The following PIAS1 variants were observed in gnomAD, a reference collection of about 807,000 sequenced individuals.
PIAS1 encodes E3 SUMO-protein ligase PIAS1.
Under a neutral mutation model 71.3 loss-of-function variants are expected in PIAS1, and 6 were observed. The observed-to-expected ratio is 0.08, with a 90% confidence interval of 0.05 to 0.17. The LOEUF is 0.17. Among genes scored for constraint, PIAS1 ranks in the 10% least tolerant of loss-of-function variants. The pLI, the probability that PIAS1 is intolerant of heterozygous loss-of-function variation, is 1.00. For missense variants in PIAS1, 555 were observed against 793.6 expected (o/e 0.70, Z 3.61); for synonymous variants, 303 against 292.9 (o/e 1.03, Z -0.35).
intron 1 of PIAS1, among the ~76,000 whole-genome samples, chr15:68,075,818 GCTGC>G (rs1157788915): frequency 7.3e-6 from 1 of 136,280 alleles, no homozygotes; most frequent in African/African-American, 2.7e-5. Context: ...GTTTTACTCT[GCTGC>G]GCAGGCTGGA....
At chr15:68,100,113 A>C (rs377729909) in intron 2 of PIAS1, among the ~76,000 whole-genome samples, 5 of 145,894 alleles carry the variant, frequency 3.4e-5, no homozygotes, top group African/African-American at 7.4e-5. Flanking sequence ...AAAAAAAAAA[A>C]ACACCTTTTG....
At chr15:68,129,794 T>TAC (rs67860159) in intron 2 of PIAS1, among the ~76,000 whole-genome samples, 4,429 of 145,016 alleles carry the variant, frequency 0.031, 70 homozygotes, top group Middle Eastern at 0.088. Flanking sequence ...TAATTGTATT[T>TAC]ACACACACAC....
intron 10 of PIAS1, 121 bp downstream of exon 10, chr15:68,175,888 A>G (rs1269286574): frequency 5.6e-6 from 3 of 537,610 alleles, no homozygotes; most frequent in African/African-American, 2.0e-5. Context: ...AATAATTCCT[A>G]TTAACTTATT....
intron 1 of PIAS1, among the ~76,000 whole-genome samples, chr15:68,066,859 A>G (rs2092034487): frequency 6.6e-6 from 1 of 152,226 alleles, no homozygotes; most frequent in Admixed American, 6.5e-5. Flanking sequence ...CATGAATTTT[A>G]GAATTGCCAT....
chr15:68,104,638 CTG>C (rs1242819384), intron 2 of PIAS1, among the ~76,000 whole-genome samples: 2 of 152,094 alleles, frequency 1.3e-5, no homozygotes, highest in East Asian at 3.9e-4. Flanking sequence ...CAGAGGGAGA[CTG>C]TAGTTAATAA....
At chr15:68,132,496 A>G (rs537338519) in intron 2 of PIAS1, among the ~76,000 whole-genome samples, 11 of 152,158 alleles carry the variant, frequency 7.2e-5, no homozygotes, top group African/African-American at 2.2e-4. Flanking sequence ...GGAAACTACA[A>G]TGTTAAAGGT....
rs2092811471 is a variant in PIAS1 at position 68,146,845 on chromosome 15, A to G, written c.828+145A>G. 5 of 700,678 alleles carry G rather than the reference A, an allele frequency of 7.1e-6. No individual in the cohort carries two copies. In the Admixed American group the frequency reaches 7.5e-5, roughly 11 times the overall value. The allele number at this position is 700,678 out of a possible 1,614,324, so 43.4% of individuals were successfully genotyped here. On this transcript the variant is annotated intron_variant, in intron 6 of 13. Coordinates refer to ENST00000249636, the MANE Select transcript of PIAS1 (RefSeq NM_016166.3). ...CACAATGAATTTTCAACATGTTTCC[A>G]TTTGAAAAATGGGATTATGAAGTAT...
intron 4 of PIAS1, among the ~76,000 whole-genome samples, chr15:68,143,974 A>T (rs974790274): frequency 6.6e-6 from 1 of 152,158 alleles, no homozygotes; most frequent in African/African-American, 2.4e-5. Flanking sequence ...AGTATTTTGT[A>T]TTAATATACA....
intron 1 of PIAS1, among the ~76,000 whole-genome samples, chr15:68,071,637 C>T (rs1051216936): frequency 6.6e-6 from 1 of 152,028 alleles, no homozygotes; most frequent in Non-Finnish European, 1.5e-5. Context: ...TCACTTCTGG[C>T]TAAGCTTATT....
intron 6 of PIAS1, among the ~76,000 whole-genome samples, chr15:68,148,310 G>A (rs1277855609): frequency 6.6e-6 from 1 of 152,166 alleles, no homozygotes; most frequent in African/African-American, 2.4e-5. Flanking sequence ...GAAGCTGAGA[G>A]GGATTCACTG....
At chr15:68,055,082 C>G (rs2091881476) in intron 1 of PIAS1, 1 of 374,328 alleles carries the variant, frequency 2.7e-6, no homozygotes, top group Admixed American at 6.4e-5. Flanking sequence ...GGGGAGAAAC[C>G]CCCTCGAAGA....
At chr15:68,129,176 C>T (rs1010288287) in intron 2 of PIAS1, among the ~76,000 whole-genome samples, 1 of 152,144 alleles carries the variant, frequency 6.6e-6, no homozygotes, top group Non-Finnish European at 1.5e-5. Context: ...GCCCTTCCCA[C>T]CTCACCCTCC....
intron 1 of PIAS1, among the ~76,000 whole-genome samples, chr15:68,059,728 A>G (rs1197351848): frequency 5.3e-5 from 8 of 151,858 alleles, no homozygotes; most frequent in African/African-American, 1.7e-4. Context: ...AAAAAAAAAA[A>G]AAGAAAGCAA....
chr15:68,080,533 C>T (rs1435870294), intron 1 of PIAS1, among the ~76,000 whole-genome samples: 1 of 152,176 alleles, frequency 6.6e-6, no homozygotes, highest in African/African-American at 2.4e-5. Flanking sequence ...TAGAAACTGT[C>T]TAACTAGGTT....
intron 6 of PIAS1, among the ~76,000 whole-genome samples, chr15:68,150,970 G>C (rs1468380610): frequency 6.6e-6 from 1 of 151,908 alleles, no homozygotes; most frequent in Admixed American, 6.6e-5. Flanking sequence ...AATGAATAGA[G>C]TATATTTCAA....
In PIAS1 at chr15:68,086,698, A is replaced by G. The variant is rs767786519; in HGVS notation, c.417A>G (p.Gln139=). ...CAGTCCATCCGGATATAAAACTTCA[A>G]AAATTACCATTTTATGATTTACTGG... ...LHPVHPDIKL[Q]KLPFYDLLDE... The change falls in exon 2 of 14, where the codon CAA becomes CAG. Residue 139 remains glutamine, a synonymous_variant. Coordinates refer to ENST00000249636, the MANE Select transcript of PIAS1 (RefSeq NM_016166.3). The surrounding 1 kb of genome is among the most constrained non-coding windows in gnomAD (Gnocchi z 7.2). 11 of 1,613,354 alleles carry G rather than the reference A, an allele frequency of 6.8e-6. No homozygotes were observed. Among genetic ancestry groups the G allele is most frequent in the African/African-American group, 1.3e-5 (1 of 74,896 alleles).
Position 68,171,204 on chromosome 15 carries a change from T to A in PIAS1, c.1009-2528T>A, listed in dbSNP as rs1381630507. ...GGTCCGGATCATCAGTATCACTACT[T>A]TCCACCTCCACATCTTTTCCCACTG... On this transcript the variant is annotated intron_variant, in intron 8 of 13. Transcript: ENST00000249636. The surrounding 1 kb of genome is among the most constrained non-coding windows in gnomAD (Gnocchi z 4.4). 6.6e-6 allele frequency among the ~76,000 whole-genome samples: 1 copy of A among 152,204 alleles called. No homozygotes were observed. The highest frequency in any genetic ancestry group is 2.4e-5 in the African/African-American group (1 of 41,456).
intron 11 of PIAS1, 92 bp downstream of exon 11, chr15:68,176,746 T>C: frequency 3.3e-6 from 3 of 896,404 alleles, no homozygotes; most frequent in Non-Finnish European, 5.0e-6. Context: ...TGATTCTTGA[T>C]TGTGAAACTT....
chr15:68,145,946 A>G (rs1470950654), intron 5 of PIAS1, 40 bp downstream of exon 5: 1 of 1,111,378 alleles, frequency 9.0e-7, no homozygotes, highest in Non-Finnish European at 1.4e-6. Flanking sequence ...CATTGCCAAC[A>G]TAACTATCAA....
Sources: allele counts gnomAD v4.1 joint callset (sites outside exome capture counted in the v4.1 genomes callset), GRCh38; gene constraint gnomAD v4.1.1; non-coding constraint Gnocchi (gnomAD v3.1); transcripts MANE v1.5; gene names NCBI Gene and HGNC (gene_info 2026-07-23, HGNC 2026-07-21).